The following MAPRE2 variants were observed in gnomAD, a reference collection of about 807,000 sequenced individuals.
The protein encoded by MAPRE2 is microtubule-associated protein RP/EB family member 2.
MAPRE2 carries 13 observed loss-of-function variants against 43.2 expected under a neutral mutation model. The ratio of observed to expected loss-of-function variants is 0.30; its 90% confidence interval spans 0.20 to 0.48. MAPRE2 has a LOEUF of 0.48. MAPRE2 is among the 20% of genes least tolerant of loss of function. The probability of loss-of-function intolerance (pLI) is 0.99; values close to 1 mark genes in which losing one functional copy is unlikely to be tolerated. For missense variants in MAPRE2, 161 were observed against 400.2 expected (o/e 0.40, Z 5.10); for synonymous variants, 135 against 148.8 (o/e 0.91, Z 0.68).
chr18:35,083,389 AT>A (rs1179885865), intron 2 of MAPRE2, among the ~76,000 whole-genome samples: 1 of 152,204 alleles, frequency 6.6e-6, no homozygotes, highest in East Asian at 1.9e-4. Flanking sequence ...TGGGTTTCAT[AT>A]GTAACTTTCG....
chr18:35,067,868 G>T (rs1906912513), intron 1 of MAPRE2, among the ~76,000 whole-genome samples: 1 of 152,100 alleles, frequency 6.6e-6, no homozygotes, highest in Non-Finnish European at 1.5e-5. Context: ...AAAGCAAATG[G>T]TTTCGTTTAA....
At chr18:35,009,744 T>C (rs2097033522) in intron 2 of MAPRE2, among the ~76,000 whole-genome samples, 1 of 152,202 alleles carries the variant, frequency 6.6e-6, no homozygotes, top group African/African-American at 2.4e-5. Context: ...TGGAAGTAAA[T>C]CACTAAAAAT....
At chr18:34,985,020 T>G (rs1274796418) in intron 1 of MAPRE2, among the ~76,000 whole-genome samples, 3 of 78,938 alleles carry the variant, frequency 3.8e-5, no homozygotes, top group African/African-American at 1.5e-4. Context: ...TTATGTTATA[T>G]AATATATAAA....
chr18:35,081,530 G>A (rs954455738), intron 2 of MAPRE2, among the ~76,000 whole-genome samples: 36 of 152,280 alleles, frequency 2.4e-4, no homozygotes, highest in Non-Finnish European at 1.6e-4. Context: ...TCTTTTCAGG[G>A]AGCTGCCGGG....
rs564112848 is a variant in MAPRE2 at position 35,065,774 on chromosome 18, G to A, written c.123-4421G>A. Among the ~76,000 whole-genome samples, 14 of 152,226 alleles carry A rather than the reference G, an allele frequency of 9.2e-5. No individual in the cohort carries two copies. The South Asian group carries it at 1.7e-3, about 18-fold the overall frequency. On this transcript the variant is annotated intron_variant, in intron 1 of 6. Transcript: ENST00000300249. ...TCGCCATGTTGGCCAGGCTGGTCTC[G>A]AACTCCGGACCTCAGGTGATCCACC...
chr18:35,067,069 A>G (rs1035323604), intron 1 of MAPRE2, among the ~76,000 whole-genome samples: 3 of 152,222 alleles, frequency 2.0e-5, no homozygotes, highest in Non-Finnish European at 4.4e-5. Flanking sequence ...TGTCTTCTAA[A>G]CTAGTTATCC....
intron 1 of MAPRE2, among the ~76,000 whole-genome samples, chr18:34,980,742 T>C (rs535642419): frequency 6.6e-6 from 1 of 152,278 alleles, no homozygotes; most frequent in South Asian, 2.1e-4. Context: ...TTAACCACAC[T>C]CTAATGGGCC....
intron 1 of MAPRE2, among the ~76,000 whole-genome samples, chr18:35,052,411 A>G (rs1008970961): frequency 3.9e-5 from 6 of 152,182 alleles, no homozygotes; most frequent in African/African-American, 1.4e-4. Context: ...ATCACTCTTT[A>G]TTGCTGAGTA....
intron 2 of MAPRE2, among the ~76,000 whole-genome samples, chr18:35,028,655 C>T (rs2097046430): frequency 6.6e-6 from 1 of 152,162 alleles, no homozygotes; most frequent in Non-Finnish European, 1.5e-5. Context: ...ATTTGGCAAG[C>T]TCTGCTACAA....
Position 35,048,095 on chromosome 18 carries a change from C to G in MAPRE2, c.122+6434C>G, listed in dbSNP as rs116219652. Among the ~76,000 whole-genome samples, 529 of 152,312 alleles carry G rather than the reference C, an allele frequency of 3.5e-3. 2 individuals are homozygous for G. Among genetic ancestry groups the G allele is most frequent in the African/African-American group, 0.012 (500 of 41,564 alleles). ...TATAGGAAGCTGGCACCAGCATCTG[C>G]TCAGCTTCTGGGGAGGCCTCAGGGA... On this transcript the variant is annotated intron_variant, in intron 1 of 6. Coordinates refer to ENST00000300249, the MANE Select transcript of MAPRE2 (RefSeq NM_014268.4).
At position 35,035,076 on chromosome 18, in the gene MAPRE2, G is replaced by A. The variant is rs370783597; in HGVS notation, c.-8+29523G>A. Among the ~76,000 whole-genome samples the A allele has an allele frequency of 5.5e-4, 84 of 151,872 alleles. No homozygotes were observed. In the South Asian group the frequency reaches 6.7e-3, roughly 12 times the overall value. On this transcript the variant is annotated intron_variant, in intron 2 of 7. Transcript: ENST00000413393. ...ACACATGCACACGTATGTTTATTGC[G>A]GCACTATTCACTATAGCAAAGACTT...
chr18:35,059,282 G>A (rs974515209), intron 1 of MAPRE2, among the ~76,000 whole-genome samples: 6 of 151,854 alleles, frequency 4.0e-5, no homozygotes, highest in African/African-American at 1.5e-4. Flanking sequence ...CAGCTAGGGA[G>A]CTTTTGGTAT....
At position 35,041,674 on chromosome 18, in the gene MAPRE2, G is replaced by T. The variant is rs762584458; in HGVS notation, c.122+13G>T. On this transcript the variant is annotated intron_variant, in intron 1 of 6. Transcript: ENST00000300249. ...AGCGTTCCTACAGGTAATGGGGCTG[G>T]CACGAGAGCAGCGCCGGGGACCGCC... 6.2e-7 allele frequency: 1 copy of T among 1,614,116 alleles called. No homozygotes were observed. The highest frequency in any genetic ancestry group is 1.7e-5 in the Admixed American group (1 of 60,034).
chr18:35,085,823 G>A (rs758055904), intron 2 of MAPRE2, among the ~76,000 whole-genome samples: 1 of 152,182 alleles, frequency 6.6e-6, no homozygotes, highest in Non-Finnish European at 1.5e-5. Context: ...GCTTAGCAGA[G>A]TGTGACGACA....
chr18:35,104,734 T>C (rs926142786), intron 4 of MAPRE2, among the ~76,000 whole-genome samples: 1 of 152,242 alleles, frequency 6.6e-6, no homozygotes, highest in Middle Eastern at 3.4e-3. Flanking sequence ...CCTTCAACTT[T>C]TGTCAGCAGT....
intron 1 of MAPRE2, among the ~76,000 whole-genome samples, chr18:35,066,850 T>C (rs1163393878): frequency 6.6e-6 from 1 of 152,202 alleles, no homozygotes; most frequent in Non-Finnish European, 1.5e-5. Context: ...TGAAGTGCGC[T>C]TAGAAGTACC....
At chr18:35,003,544 G>A (rs2097030385) in intron 1 of MAPRE2, among the ~76,000 whole-genome samples, 1 of 140,602 alleles carries the variant, frequency 7.1e-6, no homozygotes, top group Non-Finnish European at 1.6e-5. Context: ...CTGATCCATT[G>A]CGGCTGCTGG....
intron 2 of MAPRE2, among the ~76,000 whole-genome samples, chr18:35,031,050 C>T (rs150473042): frequency 6.8e-4 from 103 of 152,318 alleles, no homozygotes; most frequent in Middle Eastern, 6.8e-3. Context: ...AATTACAACA[C>T]CCTTCCTCTG....
At position 35,141,772 on chromosome 18, in the gene MAPRE2, G is replaced by C. The variant is rs958978370; in HGVS notation, c.*1403G>C. The C allele has an allele frequency of 1.4e-4, 21 of 151,872 alleles. 1 individual carries two copies. Among genetic ancestry groups the C allele is most frequent in the Admixed American group, 1.2e-3 (19 of 15,262 alleles). 9.4% of individuals were successfully genotyped at this position (151,872 alleles called of 1,614,324 possible). Reference sequence around the variant, plus strand: ...TTTCACTTGTTATTTGACTTAGCAGGTGCAACAAAAACAAGAAACAAATGT... The same window carrying C: ...TTTCACTTGTTATTTGACTTAGCAGCTGCAACAAAAACAAGAAACAAATGT... On this transcript the variant is annotated 3_prime_UTR_variant, in exon 7 of 7. Coordinates refer to ENST00000300249, the MANE Select transcript of MAPRE2 (RefSeq NM_014268.4).
Sources: gnomAD v4.1 joint callset for allele counts (sites outside exome capture counted in the v4.1 genomes callset) on GRCh38, gnomAD v4.1.1 for gene constraint, MANE v1.5 for transcripts, NCBI Gene and HGNC (gene_info 2026-07-23, HGNC 2026-07-21) for gene names.